Variants in PLK1 observed in about 807,000 individuals in gnomAD.
The protein encoded by PLK1 is polo like kinase 1.
Under a neutral mutation model 56.7 loss-of-function variants are expected in PLK1, and 6 were observed. The observed-to-expected ratio is 0.11, with a 90% CI of 0.06 to 0.21. The LOEUF (loss-of-function observed/expected upper bound fraction) is 0.21. PLK1 is among the 10% of genes least tolerant of loss of function. PLK1 has a pLI of 1.00. For missense variants in PLK1, 546 were observed against 814.4 expected (o/e 0.67, Z 4.01); for synonymous variants, 298 against 325.0 (o/e 0.92, Z 0.89).
intron 5 of PLK1, among the ~76,000 whole-genome samples, chr16:23,686,841 A>G (rs75375834): frequency 0.011 from 1,644 of 152,294 alleles, 25 homozygotes; most frequent in African/African-American, 0.038. Context: ...TTCATACCCA[A>G]GTCCCTATCA....
chr16:23,688,560 G>A, intron 6 of PLK1, 108 bp from the exon 7 acceptor site: 1 of 878,094 alleles, frequency 1.1e-6, no homozygotes, highest in Non-Finnish European at 1.9e-6. Context: ...CTGAGCCCAG[G>A]TGGGGTGCCC....
Position 23,683,865 on chromosome 16 carries a change from C to A in PLK1, c.817-5C>A. On this transcript the variant is annotated splice_region_variant and splice_polypyrimidine_tract_variant and intron_variant, in intron 4 of 9. Coordinates refer to ENST00000300093, the MANE Select transcript of PLK1 (RefSeq NM_005030.6). Reference sequence around the variant, plus strand: ...TGCTTATGGCTGTCCCTCTCTCTGCCCCAGCACATCAACCCCGTGGCCGCC... The same window carrying A: ...TGCTTATGGCTGTCCCTCTCTCTGCACCAGCACATCAACCCCGTGGCCGCC... The A allele has an allele frequency of 6.2e-7, 1 of 1,611,350 alleles. No homozygotes were observed. Among genetic ancestry groups the A allele is most frequent in the Non-Finnish European group, 8.5e-7 (1 of 1,177,528 alleles).
rs754462339 is a variant in PLK1, at chr16:23,680,181, GA to G, written c.509del (p.Asn170ThrfsTer15). The G allele has an allele frequency of 6.2e-7, 1 of 1,613,900 alleles. No individual in the cohort carries two copies. The highest frequency in any genetic ancestry group is 2.2e-5 in the East Asian group (1 of 44,866). ...GTGCTTGGCTGCCAGTACCTGCACC[GA>G]AACCGAGTTATTCATCGAGACCTCA... ...QIVLGCQYLH[R>X]NRVIHRDLKL... On this transcript the variant is annotated frameshift_variant, in exon 2 of 10. Transcript: ENST00000300093. LOFTEE classifies it high-confidence loss of function.
intron 4 of PLK1, among the ~76,000 whole-genome samples, chr16:23,682,669 C>A (rs914453863): frequency 6.6e-6 from 1 of 151,610 alleles, no homozygotes; most frequent in African/African-American, 2.4e-5. Context: ...ATTACAGGCA[C>A]CCACCACCTC....
At chr16:23,681,332 C>T (rs1354234522) in intron 3 of PLK1, among the ~76,000 whole-genome samples, 3 of 152,216 alleles carry the variant, frequency 2.0e-5, no homozygotes, top group Non-Finnish European at 4.4e-5. Context: ...GAGTTGTCCA[C>T]AGGGCAGCAT....
intron 4 of PLK1, among the ~76,000 whole-genome samples, chr16:23,682,410 C>G (rs537352181): frequency 5.1e-4 from 77 of 151,916 alleles, no homozygotes; most frequent in African/African-American, 1.7e-3. Context: ...AAGCAAAAAA[C>G]AAAGGAGGTA....
In PLK1 at chr16:23,690,164, CA is replaced by C; in HGVS notation, c.*102del. 1.1e-6 allele frequency: 1 copy of C among 889,530 alleles called. No homozygotes were observed. The highest frequency in any genetic ancestry group is 2.4e-5 in the East Asian group (1 of 40,912). The allele number at this position is 889,530 out of a possible 1,614,324, so 55.1% of individuals were successfully genotyped here. ...GGTGCCATGTCTGCAGTGTGCCCCCCAGCCCCGGTGGCTGGGCAGAGCTGCA... is the reference window on the plus strand; with the variant it reads ...GGTGCCATGTCTGCAGTGTGCCCCCCGCCCCGGTGGCTGGGCAGAGCTGCA... On this transcript the variant is annotated 3_prime_UTR_variant, in exon 10 of 10. Coordinates refer to ENST00000300093, the MANE Select transcript of PLK1 (RefSeq NM_005030.6).
At position 23,684,033 on chromosome 16, in the gene PLK1, T is replaced by C. The variant is rs199862442; in HGVS notation, c.980T>C (p.Ile327Thr). 273 of 1,614,004 alleles carry C rather than the reference T, an allele frequency of 1.7e-4. No homozygotes were observed. The highest frequency in any genetic ancestry group is 2.2e-4 in the Non-Finnish European group (265 of 1,180,032). ...CTGACCATTCCACCAAGGTTTTCGA[T>C]TGCTCCCAGCAGCCTGGACCCCAGC... ...TCLTIPPRFS[I>T]APSSLDPSNR... Residue 327 changes from isoleucine to threonine, a missense_variant, in exon 5 of 10, where the codon ATT (isoleucine) becomes ACT (threonine). By Grantham distance (89) the Ile-to-Thr change is moderately conservative (BLOSUM62 -1). Coordinates refer to ENST00000300093, the MANE Select transcript of PLK1 (RefSeq NM_005030.6).
chr16:23,687,181 G>T, intron 5 of PLK1: 1 of 233,502 alleles, frequency 4.3e-6, no homozygotes, highest in East Asian at 8.1e-5. Context: ...GCTCAAAGCT[G>T]GGCAGCTCTG....
chr16:23,688,562 G>A (rs1426597985), intron 6 of PLK1, 106 bp from the exon 7 acceptor site: 1 of 886,016 alleles, frequency 1.1e-6, no homozygotes, highest in Non-Finnish European at 1.9e-6. Context: ...GAGCCCAGGT[G>A]GGGTGCCCAG....
intron 1 of PLK1, chr16:23,679,828 T>A (rs1959303581): frequency 2.7e-6 from 1 of 365,310 alleles, no homozygotes; most frequent in Non-Finnish European, 5.0e-6. Flanking sequence ...GACCCCCAGG[T>A]AAGGGGGGAA....
chr16:23,679,857 G>T (rs1959304094), intron 1 of PLK1: 1 of 430,506 alleles, frequency 2.3e-6, no homozygotes, highest in East Asian at 3.5e-5. Context: ...GAGAAGGGGT[G>T]CTGCGAATGG....
chr16:23,687,444 G>A (rs987816867), intron 5 of PLK1, 25 bp from the exon 6 acceptor site: 6 of 1,523,976 alleles, frequency 3.9e-6, no homozygotes, highest in East Asian at 2.4e-5. Flanking sequence ...CCTTCCCAAC[G>A]CCCCTGTTTT....
chr16:23,683,235 A>G (rs1959366933), intron 4 of PLK1, among the ~76,000 whole-genome samples: 1 of 151,482 alleles, frequency 6.6e-6, no homozygotes, highest in South Asian at 2.1e-4. Flanking sequence ...CTTGTGATCC[A>G]CCTGCTTCGG....
intron 4 of PLK1, among the ~76,000 whole-genome samples, chr16:23,683,324 T>C (rs1403024202): frequency 1.3e-5 from 2 of 152,052 alleles, no homozygotes; most frequent in African/African-American, 4.8e-5. Context: ...CCAACAGAAA[T>C]ACATTTAAAG....
At position 23,681,069 on chromosome 16, in the gene PLK1, A is replaced by G; in HGVS notation, c.722+11A>G. ...CATTGGGTGTATCATGTAAGTTGGG[A>G]GTTGTCTCTGGACCAACCTGGTCTC... On this transcript the variant is annotated intron_variant, in intron 3 of 9. Transcript: ENST00000300093. 2 of 1,611,384 alleles carry G rather than the reference A, an allele frequency of 1.2e-6. No homozygotes were observed. The highest frequency in any genetic ancestry group is 1.7e-6 in the Non-Finnish European group (2 of 1,178,912).
chr16:23,680,366 C>T, intron 2 of PLK1, 114 bp downstream of exon 2: 1 of 785,598 alleles, frequency 1.3e-6, no homozygotes, highest in Non-Finnish European at 2.1e-6. Flanking sequence ...CCTACAGATG[C>T]ATTATTTTTT....
rs1959485771 is a variant in PLK1, at chr16:23,689,101, C to G, written c.1271-137C>G. ...GTCTCATTACGTTGCCCAGGCTGGT[C>G]TCAAACTCCTGGGCTCAAACAATCC... is the stretch of plus-strand genomic sequence containing the variant. On this transcript the variant is annotated intron_variant, in intron 7 of 9. Coordinates refer to ENST00000300093, the MANE Select transcript of PLK1 (RefSeq NM_005030.6). The surrounding 1 kb of genome is among the most constrained non-coding windows in gnomAD (Gnocchi z 4.8). 1 of 756,010 alleles carries G rather than the reference C, an allele frequency of 1.3e-6. No individual in the cohort carries two copies. 46.8% of individuals were successfully genotyped at this position (756,010 alleles called of 1,614,324 possible). A position where few individuals can be genotyped will look rare whatever the true frequency, so the allele number is the denominator to read the frequency against.
intron 4 of PLK1, among the ~76,000 whole-genome samples, chr16:23,682,985 CTTTTTTTTTTTTTTT>C (rs1031796646): frequency 1.1e-5 from 1 of 91,516 alleles, no homozygotes; most frequent in East Asian, 3.8e-4. Flanking sequence ...TGTGCATTTT[CTTTTTTTTTTTTTTT>C]TTTTTTTTGA....
Sources: gnomAD v4.1 joint callset for allele counts (sites outside exome capture counted in the v4.1 genomes callset) on GRCh38, gnomAD v4.1.1 for gene constraint, Gnocchi (gnomAD v3.1) non-coding constraint, MANE v1.5 for transcripts, NCBI Gene and HGNC (gene_info 2026-07-23, HGNC 2026-07-21) for gene names.